The following LPP variants were observed in gnomAD, a reference collection of about 807,000 sequenced individuals.
LPP encodes LIM domain containing preferred translocation partner in lipoma, also known as lipoma-preferred partner.
LPP carries 38 observed loss-of-function variants against 60.4 expected under a neutral mutation model. That is an observed-to-expected ratio of 0.63 (90% confidence interval 0.49 to 0.83). LPP has a LOEUF of 0.83. LPP is among the 40% of genes least tolerant of loss of function. LPP has a pLI of 0.00. For missense variants in LPP, 902 were observed against 783.6 expected, an observed-to-expected ratio of 1.15 and a Z score of -1.80; for synonymous variants, 328 against 290.8, an observed-to-expected ratio of 1.13 and a Z score of -1.30.
At chr3:188,296,634 C>T (rs1747989274) in intron 2 of LPP, among the ~76,000 whole-genome samples, 1 of 152,224 alleles carries the variant, frequency 6.6e-6, no homozygotes, top group African/African-American at 2.4e-5. Flanking sequence ...AATGGAGTCA[C>T]ACAGAGGCAG....
intron 2 of LPP, among the ~76,000 whole-genome samples, chr3:188,336,826 T>A (rs1761779462): frequency 6.6e-6 from 1 of 152,102 alleles, no homozygotes. Context: ...GGTTATCACA[T>A]CAGCTCAGCT....
intron 7 of LPP, among the ~76,000 whole-genome samples, chr3:188,700,274 T>C (rs1168195928): frequency 2.0e-5 from 3 of 152,160 alleles, no homozygotes; most frequent in Non-Finnish European, 4.4e-5. Flanking sequence ...ATTTGAGTTA[T>C]CTAACACCAT....
intron 7 of LPP, among the ~76,000 whole-genome samples, chr3:188,642,128 G>C (rs1276605492): frequency 6.6e-6 from 1 of 152,034 alleles, no homozygotes; most frequent in African/African-American, 2.4e-5. Flanking sequence ...CCCAGTTTTG[G>C]GGAATAGAGT....
intron 7 of LPP, among the ~76,000 whole-genome samples, chr3:188,647,910 G>A (rs890972610): frequency 6.6e-6 from 1 of 152,168 alleles, no homozygotes; most frequent in Non-Finnish European, 1.5e-5. Context: ...AGCACATAAG[G>A]CCTGTGGTCA....
At chr3:188,501,807 C>T (rs1037685309) in intron 5 of LPP, among the ~76,000 whole-genome samples, 1 of 148,260 alleles carries the variant, frequency 6.7e-6, no homozygotes, top group African/African-American at 2.5e-5. Context: ...ATCCCAGCTA[C>T]TCGGGAGGCT....
At chr3:188,187,524 G>A (rs545917172) in intron 1 of LPP, among the ~76,000 whole-genome samples, 5 of 151,960 alleles carry the variant, frequency 3.3e-5, no homozygotes, top group African/African-American at 1.2e-4. Flanking sequence ...TTTTTGTTGA[G>A]AGAAAAAATT....
intron 7 of LPP, among the ~76,000 whole-genome samples, chr3:188,693,643 C>T (rs1227618983): frequency 6.6e-6 from 1 of 152,116 alleles, no homozygotes; most frequent in Non-Finnish European, 1.5e-5. Flanking sequence ...ATGGCACCAG[C>T]GCAGCCCGAC....
intron 7 of LPP, among the ~76,000 whole-genome samples, chr3:188,620,491 T>C (rs1845612653): frequency 6.6e-6 from 1 of 152,250 alleles, no homozygotes; most frequent in Non-Finnish European, 1.5e-5. Context: ...ATGTGATTGC[T>C]GTATTCCTTT....
At chr3:188,240,512 C>T (rs192618613) in intron 2 of LPP, among the ~76,000 whole-genome samples, 4 of 152,150 alleles carry the variant, frequency 2.6e-5, no homozygotes, top group Middle Eastern at 3.4e-3. Context: ...AATTTGACTG[C>T]TTTATTTTGT....
chr3:188,662,561 G>GACTT (rs1458602592), intron 7 of LPP, among the ~76,000 whole-genome samples: 7 of 152,170 alleles, frequency 4.6e-5, no homozygotes, highest in Admixed American at 6.5e-5. Context: ...AAATACTTTG[G>GACTT]ACTTACTGTT....
rs1770732335 is a variant in LPP at position 188,886,766 on chromosome 3, C to CACACACA, written c.*12287_*12288insACACACA. 1 of 139,490 alleles carries CACACACA rather than the reference C, an allele frequency of 7.2e-6. No homozygotes were observed. Among genetic ancestry groups the CACACACA allele is most frequent in the Admixed American group, 9.3e-5 (1 of 10,738 alleles). The allele number at this position is 139,490 out of a possible 1,614,324, so 8.6% of individuals were successfully genotyped here. On this transcript the variant is annotated 3_prime_UTR_variant, in exon 12 of 12. Coordinates refer to ENST00000617246, the MANE Select transcript of LPP (RefSeq NM_001375462.1). Reference sequence around the variant, plus strand: ...CACACACACACACACACACACACACCCCTTCCAAGAAAGCTGATCCTTCAG... The same window carrying CACACACA: ...CACACACACACACACACACACACACCACACACACCTTCCAAGAAAGCTGATCCTTCAG...
At position 188,274,884 on chromosome 3, in the gene LPP, A is replaced by G. The variant is rs548322274; in HGVS notation, c.-67+49357A>G. Among the ~76,000 whole-genome samples the G allele has an allele frequency of 4.6e-5, 7 of 152,314 alleles. No individual in the cohort carries two copies. In the East Asian group the frequency reaches 1.2e-3, roughly 25 times the overall value. ...TTACCACGTATTTTCCATTATGGGA[A>G]AAGGGTAGTTTCTGAACTATCTAGG... On this transcript the variant is annotated intron_variant, in intron 2 of 11. Transcript: ENST00000617246.
At chr3:188,757,162 G>A (rs1461010295) in intron 8 of LPP, among the ~76,000 whole-genome samples, 1 of 152,148 alleles carries the variant, frequency 6.6e-6, no homozygotes, top group African/African-American at 2.4e-5. Context: ...CTTCTAAGAC[G>A]TGTTACATGC....
intron 2 of LPP, among the ~76,000 whole-genome samples, chr3:188,319,719 T>A (rs1325817219): frequency 6.6e-6 from 1 of 152,248 alleles, no homozygotes; most frequent in East Asian, 1.9e-4. Flanking sequence ...CAGCTTTCCC[T>A]GATGTTAACA....
At chr3:188,294,889 C>T (rs1747327232) in intron 2 of LPP, among the ~76,000 whole-genome samples, 1 of 152,198 alleles carries the variant, frequency 6.6e-6, no homozygotes, top group East Asian at 1.9e-4. Flanking sequence ...AGGTGCCGTT[C>T]GAGTCCTGGC....
chr3:188,513,512 A>G (rs964873153), intron 5 of LPP, among the ~76,000 whole-genome samples: 1 of 152,084 alleles, frequency 6.6e-6, no homozygotes, highest in Non-Finnish European at 1.5e-5. Context: ...TCTTATTGTG[A>G]TTATTCTTAG....
chr3:188,852,189 AT>A (rs1375059605), intron 9 of LPP, among the ~76,000 whole-genome samples: 1 of 152,002 alleles, frequency 6.6e-6, no homozygotes, highest in Non-Finnish European at 1.5e-5. Flanking sequence ...AAAGAAAGAA[AT>A]TTGATTGTGT....
intron 6 of LPP, among the ~76,000 whole-genome samples, chr3:188,602,173 A>AT (rs1841436296): frequency 9.9e-6 from 1 of 101,114 alleles, no homozygotes; most frequent in Non-Finnish European, 2.6e-5. Context: ...TAATATATAT[A>AT]TATTATATAT....
At chr3:188,278,651 G>A (rs1740855129) in intron 2 of LPP, among the ~76,000 whole-genome samples, 1 of 151,874 alleles carries the variant, frequency 6.6e-6, no homozygotes, top group Non-Finnish European at 1.5e-5. Context: ...ATCTCCTCTC[G>A]GTGTTTCTCT....
Sources: allele counts gnomAD v4.1 joint callset (sites outside exome capture counted in the v4.1 genomes callset), GRCh38; gene constraint gnomAD v4.1.1; transcripts MANE v1.5; gene names NCBI Gene and HGNC (gene_info 2026-07-23, HGNC 2026-07-21).